Variants in TAC4 observed in about 807,000 individuals in gnomAD.
TAC4 encodes the protein tachykinin precursor 4, also known as tachykinin-4.
Under a neutral mutation model 17.7 loss-of-function variants are expected in TAC4, and 17 were observed. That is an observed-to-expected ratio of 0.96 (90% CI 0.66 to 1.44). TAC4 has a LOEUF of 1.44. TAC4 is among the 40% of genes most tolerant of loss of function. The pLI is 0.00. For missense variants in TAC4, 118 were observed against 125.6 expected, an observed-to-expected ratio of 0.94 and a Z score of 0.29; for synonymous variants, 62 against 52.4, an observed-to-expected ratio of 1.18 and a Z score of -0.79.
chr17:49,846,135 A>G (rs2074536713), intron 1 of TAC4: 2 of 1,114,192 alleles, frequency 1.8e-6, no homozygotes, highest in Admixed American at 5.4e-5. Flanking sequence ...TTTCCCATTC[A>G]CTCCGACAGG....
At chr17:49,844,236 A>C in intron 1 of TAC4, 79 bp from the exon 2 acceptor site, 9 of 1,351,278 alleles carry the variant, frequency 6.7e-6, no homozygotes, top group Non-Finnish European at 9.5e-6. Flanking sequence ...TGGCAATCTC[A>C]GGAGTGACAG....
intron 2 of TAC4, 130 bp from the exon 3 acceptor site, chr17:49,841,714 C>A: frequency 2.2e-6 from 2 of 901,940 alleles, no homozygotes; most frequent in Non-Finnish European, 3.1e-6. Flanking sequence ...TAGTCATCCC[C>A]AGTTATCCTC....
chr17:49,843,370 G>T (rs1598104172), intron 2 of TAC4, among the ~76,000 whole-genome samples: 1 of 152,340 alleles, frequency 6.6e-6, no homozygotes. Flanking sequence ...TTCAGCCAAA[G>T]AAAATTGACT....
At chr17:49,844,209 G>C (rs2074519889) in intron 1 of TAC4, 52 bp from the exon 2 acceptor site, 1 of 1,580,576 alleles carries the variant, frequency 6.3e-7, no homozygotes, top group Admixed American at 1.7e-5. Context: ...CAGCAGACGG[G>C]AGGCCAGCCT....
intron 2 of TAC4, among the ~76,000 whole-genome samples, chr17:49,842,483 T>G (rs1009813001): frequency 1.3e-5 from 2 of 151,836 alleles, no homozygotes; most frequent in South Asian, 4.2e-4. Flanking sequence ...TGAGCTGAGA[T>G]TGCGCCATTG....
In TAC4 at chr17:49,839,845, C is replaced by CCTACCTT. The variant is rs1166683846; in HGVS notation, c.290_292+4dup. The CCTACCTT allele has an allele frequency of 6.2e-7, 1 of 1,609,718 alleles. No homozygotes were observed. The highest frequency in any genetic ancestry group is 1.1e-5 in the South Asian group (1 of 89,650). ...CCCTTGCAACCACCAGCGGCTCTTG[C>CCTACCTT]CTACCTTCTGTGAACAGGCTTCTCT... On this transcript the variant is annotated splice_donor_region_variant and intron_variant, in intron 4 of 4. Coordinates refer to ENST00000436235, the MANE Select transcript of TAC4 (RefSeq NM_001077506.2).
intron 1 of TAC4, among the ~76,000 whole-genome samples, chr17:49,844,556 G>A (rs745390063): frequency 2.6e-5 from 4 of 151,970 alleles, no homozygotes; most frequent in East Asian, 3.9e-4. Context: ...TCAGGAGTTC[G>A]AGACCAGCCT....
Position 49,838,565 on chromosome 17 carries a change from CTG to C in TAC4, c.*75_*76del, listed in dbSNP as rs2074473196. On this transcript the variant is annotated 3_prime_UTR_variant, in exon 5 of 5. Coordinates refer to ENST00000436235, the MANE Select transcript of TAC4 (RefSeq NM_001077506.2). ...AGGAGACACAGAGAAGAGAGTTGGC[CTG>C]CCGGCTTGTCAGCTGTGACATCCAG... is the stretch of plus-strand genomic sequence containing the variant. 6.3e-7 allele frequency: 1 copy of C among 1,585,752 alleles called. No individual in the cohort carries two copies. Among genetic ancestry groups the C allele is most frequent in the African/African-American group, 1.3e-5 (1 of 74,292 alleles).
intron 1 of TAC4, among the ~76,000 whole-genome samples, chr17:49,844,804 G>A (rs989080635): frequency 4.6e-5 from 7 of 152,104 alleles, no homozygotes; most frequent in Non-Finnish European, 1.0e-4. Context: ...AGTGAGAGGT[G>A]GAACCAGAAG....
intron 4 of TAC4, 66 bp from the exon 5 acceptor site, chr17:49,838,739 A>G (rs1598100421): frequency 6.4e-7 from 1 of 1,559,358 alleles, no homozygotes; most frequent in Non-Finnish European, 8.7e-7. Context: ...CCACCCTTAG[A>G]AGTCTTCCCT....
intron 1 of TAC4, chr17:49,846,285 T>G: frequency 7.8e-7 from 1 of 1,274,956 alleles, no homozygotes; most frequent in Non-Finnish European, 1.0e-6. Context: ...CTCATTTTTT[T>G]TTTTTTTTTG....
intron 1 of TAC4, chr17:49,846,232 A>AG (rs759866462): frequency 7.8e-7 from 1 of 1,288,498 alleles, no homozygotes; most frequent in South Asian, 1.2e-5. Flanking sequence ...GAGCCCCGAG[A>AG]GCAAGGGAGG....
intron 3 of TAC4, among the ~76,000 whole-genome samples, chr17:49,841,244 C>CTTTT (rs745671170): frequency 2.7e-5 from 3 of 110,360 alleles, no homozygotes; most frequent in Non-Finnish European, 5.7e-5. Context: ...TAGTGGTTGA[C>CTTTT]TTTTTTTTTT....
At chr17:49,840,326 G>C (rs769755621) in intron 3 of TAC4, among the ~76,000 whole-genome samples, 1 of 152,174 alleles carries the variant, frequency 6.6e-6, no homozygotes, top group East Asian at 1.9e-4. Context: ...GTCGCACTAG[G>C]CCATGGAGAC....
At chr17:49,841,468 C>A in intron 3 of TAC4, 84 bp downstream of exon 3, 1 of 1,420,382 alleles carries the variant, frequency 7.0e-7, no homozygotes, top group South Asian at 1.5e-5. Context: ...GAGCATCTCC[C>A]CTCACCCACC....
At position 49,844,122 on chromosome 17, in the gene TAC4, C is replaced by T. The variant is rs1476795755; in HGVS notation, c.141G>A (p.Gln47=). ...GGCTTGCCTTGCCCGTCTTCACCTC[C>T]TGCAGCTGGAGCTGAATGCTGGGGC... ...GAGPSIQLQL[Q]EVKTGKASQF... is the part of the protein sequence containing the mutation. The change falls in exon 2 of 5, where the codon CAG becomes CAA. Residue 47 remains glutamine, a synonymous_variant. Coordinates refer to ENST00000436235, the MANE Select transcript of TAC4 (RefSeq NM_001077506.2). The T allele has an allele frequency of 6.2e-7, 1 of 1,614,038 alleles. No individual in the cohort carries two copies. The highest frequency in any genetic ancestry group is 1.1e-5 in the South Asian group (1 of 91,082).
At chr17:49,843,146 C>T (rs2074511122) in intron 2 of TAC4, among the ~76,000 whole-genome samples, 1 of 152,190 alleles carries the variant, frequency 6.6e-6, no homozygotes, top group South Asian at 2.1e-4. Context: ...TCCAACTTGC[C>T]TGGATATTGC....
At chr17:49,839,348 T>C (rs2074479731) in intron 4 of TAC4, among the ~76,000 whole-genome samples, 1 of 152,146 alleles carries the variant, frequency 6.6e-6, no homozygotes, top group East Asian at 1.9e-4. Flanking sequence ...CTGAAACCAT[T>C]TGGGGACGTG....
At chr17:49,838,771 C>T in intron 4 of TAC4, 98 bp from the exon 5 acceptor site, 1 of 1,204,496 alleles carries the variant, frequency 8.3e-7, no homozygotes, top group Non-Finnish European at 1.2e-6. Flanking sequence ...AGGCCTTCAT[C>T]TTCCTAACCC....
Sources: allele counts gnomAD v4.1 joint callset (sites outside exome capture counted in the v4.1 genomes callset), GRCh38; gene constraint gnomAD v4.1.1; transcripts MANE v1.5; gene names NCBI Gene and HGNC (gene_info 2026-07-23, HGNC 2026-07-21).